NHSL3: variants seen among roughly 807,000 people sequenced by gnomAD.
The protein encoded by NHSL3 is NHS like 3.
chr1:32,772,257 C>T, the NHSL3 span: 2 of 1,602,684 alleles, frequency 1.2e-6, no homozygotes, highest in Admixed American at 3.4e-5. Flanking sequence ...CACCTGTGGC[C>T]CGCAAGCCGT....
At chr1:32,743,140 G>C in the NHSL3 span, among the ~76,000 whole-genome samples, 1 of 152,186 alleles carries the variant, frequency 6.6e-6, no homozygotes, top group Non-Finnish European at 1.5e-5. Context: ...CTTTGCAAGA[G>C]GGTGGAGCTC....
chr1:32,763,226 C>T, the NHSL3 span, among the ~76,000 whole-genome samples: 1 of 150,586 alleles, frequency 6.6e-6, no homozygotes, highest in African/African-American at 2.4e-5. Context: ...TCAAGTGATC[C>T]ACCTGCCTCA....
chr1:32,768,666 G>A, the NHSL3 span: 1 of 1,614,116 alleles, frequency 6.2e-7, no homozygotes, highest in South Asian at 1.1e-5. Flanking sequence ...CCCGGACGGG[G>A]CCGGATGAAG....
the NHSL3 span, chr1:32,771,119 G>A: frequency 6.2e-7 from 1 of 1,613,344 alleles, no homozygotes; most frequent in Non-Finnish European, 8.5e-7. Context: ...GACCGCTCTG[G>A]GCCACAGATA....
At chr1:32,770,870 C>T in the NHSL3 span, 120 of 1,608,578 alleles carry the variant, frequency 7.5e-5, no homozygotes, top group Non-Finnish European at 9.3e-5. This position sits in a 1 kb window ranked among gnomAD's most constrained non-coding sequence, Gnocchi z 8.3. Flanking sequence ...GGCTTGTCTC[C>T]GGGTGGTTCC....
At chr1:32,772,725 G>A in the NHSL3 span, 2 of 885,408 alleles carry the variant, frequency 2.3e-6, no homozygotes, top group African/African-American at 3.3e-5. Flanking sequence ...CATGTGTAGG[G>A]TGTCCAGCCC....
At chr1:32,742,290 C>T in the NHSL3 span, 212 of 1,108,258 alleles carry the variant, frequency 1.9e-4, no homozygotes, top group African/African-American at 2.1e-3. Context: ...AGGGGGGTGA[C>T]CCCCAGGAGC....
At chr1:32,768,752 G>C in the NHSL3 span, 1 of 1,613,750 alleles carries the variant, frequency 6.2e-7, no homozygotes, top group African/African-American at 1.3e-5. Context: ...CTCTCCATCC[G>C]CTCGGAGATG....
chr1:32,768,622 C>T, the NHSL3 span: 4 of 1,612,082 alleles, frequency 2.5e-6, no homozygotes, highest in East Asian at 2.2e-5. Flanking sequence ...GAGGAGACAG[C>T]CCCACCCAGA....
At chr1:32,744,708 C>T in the NHSL3 span, among the ~76,000 whole-genome samples, 1 of 152,162 alleles carries the variant, frequency 6.6e-6, no homozygotes, top group East Asian at 1.9e-4. Flanking sequence ...AGCAACTTCT[C>T]AGTGGGCTCC....
At chr1:32,766,494 CACTTGT>C in the NHSL3 span, among the ~76,000 whole-genome samples, 1 of 152,056 alleles carries the variant, frequency 6.6e-6, no homozygotes, top group East Asian at 1.9e-4. Context: ...ACCGTTTCCC[CACTTGT>C]AAAATCTGGG....
chr1:32,750,240 C>A, the NHSL3 span, among the ~76,000 whole-genome samples: 1 of 152,098 alleles, frequency 6.6e-6, no homozygotes, highest in African/African-American at 2.4e-5. Context: ...AGTTATACCC[C>A]ACTGTACTCT....
At chr1:32,770,528 G>A in the NHSL3 span, 4 of 1,545,002 alleles carry the variant, frequency 2.6e-6, no homozygotes, top group South Asian at 2.5e-5. The surrounding 1 kb of genome is among the most constrained non-coding windows in gnomAD (Gnocchi z 8.3). Context: ...GCTAGCAATA[G>A]CGTGGTACCC....
the NHSL3 span, among the ~76,000 whole-genome samples, chr1:32,765,303 G>C: frequency 1.3e-5 from 2 of 151,984 alleles, no homozygotes; most frequent in African/African-American, 2.4e-5. Flanking sequence ...CAGGCTCCGA[G>C]CTCTTTCCCC....
chr1:32,749,779 T>C, the NHSL3 span, among the ~76,000 whole-genome samples: 55,439 of 151,804 alleles, frequency 0.37, 10,544 homozygotes, highest in South Asian at 0.43. Flanking sequence ...CTCTTGGAAA[T>C]TCCCCTTGGG....
At chr1:32,742,234 G>A in the NHSL3 span, 4 of 1,240,164 alleles carry the variant, frequency 3.2e-6, no homozygotes, top group Non-Finnish European at 4.0e-6. Flanking sequence ...GGCGTCGAGG[G>A]TGCGGCCGAG....
chr1:32,772,982 A>G, the NHSL3 span: 2 of 1,253,896 alleles, frequency 1.6e-6, no homozygotes, highest in Admixed American at 1.7e-5. Context: ...AGCAGACACA[A>G]CCTAATAGAG....
the NHSL3 span, chr1:32,772,479 A>C: frequency 1.3e-6 from 2 of 1,505,810 alleles, no homozygotes; most frequent in Non-Finnish European, 1.8e-6. Flanking sequence ...CCCATTGCTG[A>C]TGATGGGAAG....
chr1:32,769,741 CG>C, the NHSL3 span: 1 of 1,612,846 alleles, frequency 6.2e-7, no homozygotes, highest in Non-Finnish European at 8.5e-7. Context: ...GCGGGAGCGG[CG>C]GAGCACTGTG....
Sources: allele counts gnomAD v4.1 joint callset (sites outside exome capture counted in the v4.1 genomes callset), GRCh38; gene constraint gnomAD v4.1.1; non-coding constraint Gnocchi (gnomAD v3.1); transcripts MANE v1.5; gene names NCBI Gene and HGNC (gene_info 2026-07-23, HGNC 2026-07-21).